The following SPARCL1 variants were observed in gnomAD, a reference collection of about 807,000 sequenced individuals.
The protein encoded by SPARCL1 is SPARC-like protein 1.
A neutral mutation model predicts 67.1 loss-of-function variants in SPARCL1; 52 were observed. That is an observed-to-expected ratio of 0.78 (90% confidence interval 0.62 to 0.98). The LOEUF is 0.98. Ranked by LOEUF, SPARCL1 falls within the 50% of genes least tolerant of loss-of-function variation. The pLI, the probability that SPARCL1 is intolerant of heterozygous loss-of-function variation, is 0.00. For synonymous variants in SPARCL1, 226 were observed against 267.8 expected (o/e 0.84, Z 1.52); for missense variants, 717 against 782.4 (o/e 0.92, Z 1.00).
chr4:87,491,209 T>A (rs930522966), intron 5 of SPARCL1, among the ~76,000 whole-genome samples: 1 of 152,210 alleles, frequency 6.6e-6, no homozygotes, highest in Admixed American at 6.5e-5. Flanking sequence ...TGCAACGTTG[T>A]GCAAGCTGGT....
chr4:87,491,956 A>G lies in SPARCL1; in HGVS notation c.1219-266T>C, dbSNP rs80243813. On this transcript the variant is annotated intron_variant, in intron 4 of 10. Transcript: ENST00000282470. Reference sequence around the variant, plus strand: ...TCCATCTCTACCCACCCCCCCCCCCAAAAAAAAAAAAATTAGCTGGGCATG... The same window carrying G: ...TCCATCTCTACCCACCCCCCCCCCCGAAAAAAAAAAAATTAGCTGGGCATG... Among the ~76,000 whole-genome samples the G allele has an allele frequency of 2.4e-3, 26 of 10,636 alleles. No individual in the cohort carries two copies. In the East Asian group the frequency reaches 0.05, roughly 21 times the overall value. 7.0% of individuals were successfully genotyped at this position (10,636 alleles called of 152,430 possible).
intron 3 of SPARCL1, 83 bp downstream of exon 3, chr4:87,494,898 A>G (rs1724553041): frequency 2.4e-6 from 3 of 1,263,408 alleles, no homozygotes; most frequent in Non-Finnish European, 3.3e-6. Flanking sequence ...GACATAAATA[A>G]CATAATCTCT....
At chr4:87,517,220 G>A (rs376533675) in intron 1 of SPARCL1, among the ~76,000 whole-genome samples, 1 of 151,984 alleles carries the variant, frequency 6.6e-6, no homozygotes, top group African/African-American at 2.4e-5. Flanking sequence ...CAGGATAGAC[G>A]TGCCATAAAA....
chr4:87,510,075 T>C (rs1414470536), intron 1 of SPARCL1, among the ~76,000 whole-genome samples: 1 of 152,196 alleles, frequency 6.6e-6, no homozygotes, highest in African/African-American at 2.4e-5. Flanking sequence ...TTAAATTACA[T>C]ACATGTATAA....
intron 10 of SPARCL1, among the ~76,000 whole-genome samples, chr4:87,477,604 G>A (rs1723632163): frequency 6.6e-6 from 1 of 152,128 alleles, no homozygotes; most frequent in African/African-American, 2.4e-5. Context: ...ATACCATGCT[G>A]TGGGCAGCCC....
At chr4:87,490,914 G>A in intron 5 of SPARCL1, 36 bp from the exon 6 acceptor site, 2 of 1,141,482 alleles carry the variant, frequency 1.8e-6, no homozygotes, top group Non-Finnish European at 2.6e-6. Context: ...CATGGACAAA[G>A]TTAAATTGAG....
chr4:87,493,866 C>G lies in SPARCL1; in HGVS notation c.934G>C (p.Glu312Gln), dbSNP rs1211304927. Reference protein sequence around the residue: ...LEAISNHKETEEKTVSEALLM... With the variant: ...LEAISNHKETQEKTVSEALLM... Reference sequence around the variant, plus strand: ...AGAGCCTCAGAAACAGTCTTTTCTTCTGTCTCTTTGTGGTTGCTGATAGCT... The same window carrying G: ...AGAGCCTCAGAAACAGTCTTTTCTTGTGTCTCTTTGTGGTTGCTGATAGCT... Residue 312 changes from glutamate (E) to glutamine (Q), a missense_variant, in exon 4 of 11, where the codon GAA becomes CAA. Transcript: ENST00000282470. 6.2e-7 allele frequency: 1 copy of G among 1,614,228 alleles called. No individual in the cohort carries two copies. The highest frequency in any genetic ancestry group is 2.2e-5 in the East Asian group (1 of 44,886).
intron 1 of SPARCL1, among the ~76,000 whole-genome samples, chr4:87,504,076 C>T (rs1332404665): frequency 1.3e-5 from 2 of 149,362 alleles, no homozygotes. Context: ...CCACCTGGAC[C>T]AGGGAACAGT....
intron 1 of SPARCL1, among the ~76,000 whole-genome samples, chr4:87,509,633 G>T (rs946420126): frequency 6.6e-6 from 1 of 152,176 alleles, no homozygotes; most frequent in Admixed American, 6.5e-5. Flanking sequence ...TGGGTCTCTA[G>T]GCTGTCAATA....
chr4:87,514,955 C>T (rs1725521004), intron 1 of SPARCL1, among the ~76,000 whole-genome samples: 1 of 152,116 alleles, frequency 6.6e-6, no homozygotes. Context: ...AGTAAAAAGT[C>T]ATTTATTTTG....
intron 8 of SPARCL1, among the ~76,000 whole-genome samples, chr4:87,482,181 G>T (rs1723847978): frequency 6.6e-6 from 1 of 152,176 alleles, no homozygotes; most frequent in African/African-American, 2.4e-5. Flanking sequence ...CTCTAGGTAG[G>T]AATTGAAGAG....
chr4:87,521,504 G>C (rs754620656), intron 1 of SPARCL1, among the ~76,000 whole-genome samples: 2 of 152,112 alleles, frequency 1.3e-5, no homozygotes, highest in Non-Finnish European at 2.9e-5. Context: ...AATTTTCCTT[G>C]TGTTGCCTAG....
In SPARCL1 at chr4:87,480,428, C is replaced by T. The variant is rs370578124; in HGVS notation, c.1761G>A (p.Met587Ile). 11 of 1,613,260 alleles carry T rather than the reference C, an allele frequency of 6.8e-6. No individual in the cohort carries two copies. The highest frequency in any genetic ancestry group is 9.3e-6 in the Non-Finnish European group (11 of 1,179,632). ...ACTGCCAGTGCACAGGATACACATACATGTGGTAGTTTTTCTTAAAGTCCC... is the reference window on the plus strand; with the variant it reads ...ACTGCCAGTGCACAGGATACACATATATGTGGTAGTTTTTCTTAAAGTCCC... Reference protein sequence around the residue: ...LLRDFKKNYHMYVYPVHWQFS... With the variant: ...LLRDFKKNYHIYVYPVHWQFS... The change falls in exon 9 of 11, where the codon ATG becomes ATA. Residue 587 changes from methionine (M) to isoleucine (I), a missense_variant. Met to Ile is a conservative substitution (Grantham distance 10, BLOSUM62 1). Transcript: ENST00000282470.
intron 1 of SPARCL1, among the ~76,000 whole-genome samples, chr4:87,499,813 C>T (rs1232265365): frequency 1.3e-5 from 2 of 152,120 alleles, no homozygotes; most frequent in Non-Finnish European, 2.9e-5. Context: ...TTCGGCAGAA[C>T]CTATCTCTGT....
chr4:87,495,797 G>C (rs1028202091), intron 2 of SPARCL1, among the ~76,000 whole-genome samples: 4 of 152,134 alleles, frequency 2.6e-5, no homozygotes, highest in African/African-American at 9.7e-5. Context: ...TGGGTGTGGT[G>C]GTGGGTGCCT....
chr4:87,502,528 A>G (rs906656445), intron 1 of SPARCL1, among the ~76,000 whole-genome samples: 7 of 152,026 alleles, frequency 4.6e-5, no homozygotes, highest in Admixed American at 4.6e-4. Flanking sequence ...TATACTGTTA[A>G]TTTTTTATTT....
intron 1 of SPARCL1, among the ~76,000 whole-genome samples, chr4:87,515,734 G>C (rs1725555291): frequency 1.3e-5 from 2 of 152,098 alleles, no homozygotes; most frequent in Non-Finnish European, 2.9e-5. Flanking sequence ...TTTTCTATTG[G>C]CTGACCCATG....
intron 2 of SPARCL1, 75 bp downstream of exon 2, chr4:87,499,446 T>G: frequency 8.3e-7 from 1 of 1,207,552 alleles, no homozygotes; most frequent in Admixed American, 2.0e-5. Flanking sequence ...TATAAGAACA[T>G]TTTCTTTTAA....
intron 1 of SPARCL1, among the ~76,000 whole-genome samples, chr4:87,509,725 T>C (rs765928928): frequency 2.6e-5 from 4 of 152,220 alleles, no homozygotes; most frequent in Non-Finnish European, 5.9e-5. Flanking sequence ...AAACAAGGAA[T>C]TAAAAATTCC....
Sources: allele counts gnomAD v4.1 joint callset (sites outside exome capture counted in the v4.1 genomes callset), GRCh38; gene constraint gnomAD v4.1.1; transcripts MANE v1.5; gene names NCBI Gene and HGNC (gene_info 2026-07-23, HGNC 2026-07-21).